Variants in DIAPH3 observed in about 807,000 individuals in gnomAD.
The protein encoded by DIAPH3 is protein diaphanous homolog 3.
In DIAPH3, 117 loss-of-function variants were observed where a neutral mutation model predicts 144.3. The observed-to-expected ratio is 0.81, with a 90% CI of 0.70 to 0.95. The LOEUF (loss-of-function observed/expected upper bound fraction) is 0.95, where lower values mean the gene tolerates loss of function less well. Among genes scored for constraint, DIAPH3 ranks in the 40% least tolerant of loss-of-function variants. The probability of loss-of-function intolerance (pLI) is 0.00; values close to 1 mark genes in which losing one functional copy is unlikely to be tolerated. For synonymous variants in DIAPH3, 519 were observed against 488.9 expected, an observed-to-expected ratio of 1.06 and a Z score of -0.81; for missense variants, 1,421 against 1,412.7, an observed-to-expected ratio of 1.01 and a Z score of -0.09.
intron 27 of DIAPH3, among the ~76,000 whole-genome samples, chr13:59,748,204 C>T (rs2036800028): frequency 6.6e-6 from 1 of 152,180 alleles, no homozygotes; most frequent in African/African-American, 2.4e-5. Context: ...TTAGAGCACT[C>T]CTCAACCTAC....
intron 27 of DIAPH3, among the ~76,000 whole-genome samples, chr13:59,772,577 T>A (rs2038177933): frequency 6.6e-6 from 1 of 152,144 alleles, no homozygotes; most frequent in African/African-American, 2.4e-5. Context: ...GATTTATACG[T>A]AATTGTATCT....
intron 1 of DIAPH3, among the ~76,000 whole-genome samples, chr13:60,158,303 C>T (rs986990277): frequency 1.3e-5 from 2 of 152,316 alleles, no homozygotes; most frequent in African/African-American, 2.4e-5. Context: ...TCTCAGAATT[C>T]CCCAGCAGAT....
At chr13:59,712,876 G>A (rs2034824345) in intron 27 of DIAPH3, among the ~76,000 whole-genome samples, 1 of 152,204 alleles carries the variant, frequency 6.6e-6, no homozygotes, top group African/African-American at 2.4e-5. Context: ...CCACAGGGGT[G>A]AGGGGGAAGG....
chr13:59,709,889 T>C (rs1204082355), intron 27 of DIAPH3, among the ~76,000 whole-genome samples: 3 of 151,982 alleles, frequency 2.0e-5, no homozygotes, highest in African/African-American at 7.2e-5. Flanking sequence ...ATGTGGCACA[T>C]ATACACCATG....
At chr13:59,866,182 T>C (rs370563592) in intron 21 of DIAPH3, among the ~76,000 whole-genome samples, 261 of 152,084 alleles carry the variant, frequency 1.7e-3, no homozygotes, top group African/African-American at 6.0e-3. Context: ...GTACTTACCA[T>C]GAGACAGACA....
Position 60,015,939 on chromosome 13 carries a change from AC to A in DIAPH3, c.744del (p.Gln248HisfsTer3), listed in dbSNP as rs2053612425. 6.2e-7 allele frequency: 1 copy of A among 1,613,332 alleles called. No individual in the cohort carries two copies. Among genetic ancestry groups the A allele is most frequent in the African/African-American group, 1.3e-5 (1 of 75,030 alleles). On this transcript the variant is annotated frameshift_variant, in exon 7 of 28. Transcript: ENST00000400324. LOFTEE classifies it high-confidence loss of function. ...TGCGTATTCATCAGGGCTTTTAGAC[AC>A]TGTATGACTTTATGTTGATTTTTCT... ...VVKKNQHKVI[Q>X]CLKALMNTQY...
intron 9 of DIAPH3, among the ~76,000 whole-genome samples, chr13:59,997,098 T>G (rs1236449440): frequency 2.6e-5 from 4 of 152,006 alleles, no homozygotes; most frequent in Admixed American, 6.6e-5. Context: ...AAGTACAACA[T>G]ATTTATTTGG....
chr13:59,737,891 G>T (rs1449174157), intron 27 of DIAPH3, among the ~76,000 whole-genome samples: 3 of 152,122 alleles, frequency 2.0e-5, no homozygotes, highest in South Asian at 4.1e-4. Flanking sequence ...ATTAGGCCGG[G>T]CACAGTGGCT....
intron 2 of DIAPH3, 59 bp from the exon 3 acceptor site, chr13:60,112,245 A>G: frequency 6.3e-7 from 1 of 1,590,956 alleles, no homozygotes; most frequent in Non-Finnish European, 8.6e-7. Flanking sequence ...CATTTATCTC[A>G]TCTCAAAAAT....
At chr13:59,940,442 C>T (rs1447343726) in intron 17 of DIAPH3, among the ~76,000 whole-genome samples, 1 of 152,116 alleles carries the variant, frequency 6.6e-6, no homozygotes, top group Non-Finnish European at 1.5e-5. Context: ...CAACGCAGAA[C>T]AGAACAATAC....
At chr13:59,788,591 G>C (rs959480531) in intron 25 of DIAPH3, among the ~76,000 whole-genome samples, 2 of 152,170 alleles carry the variant, frequency 1.3e-5, no homozygotes, top group Admixed American at 6.5e-5. Context: ...GTTGTTCATT[G>C]TAACAGGAGA....
At chr13:60,026,307 G>A (rs9538552) in intron 5 of DIAPH3, among the ~76,000 whole-genome samples, 81,068 of 151,834 alleles carry the variant, frequency 0.53, 22,179 homozygotes, top group Admixed American at 0.6. Flanking sequence ...AAAACTAAGC[G>A]TAATGATTTG....
chr13:59,675,385 ATT>A (rs1220590409), intron 27 of DIAPH3, among the ~76,000 whole-genome samples: 14 of 138,096 alleles, frequency 1.0e-4, no homozygotes, highest in Admixed American at 1.4e-4. Context: ...GCTATTTTTA[ATT>A]TTTTTTTTTT....
chr13:59,844,428 C>T (rs1030889968), intron 22 of DIAPH3, among the ~76,000 whole-genome samples: 7 of 149,218 alleles, frequency 4.7e-5, no homozygotes, highest in Admixed American at 4.1e-4. Context: ...GGCATGAACC[C>T]GGGAGGCAAA....
chr13:59,712,171 CAG>C, intron 27 of DIAPH3, among the ~76,000 whole-genome samples: 1 of 152,204 alleles, frequency 6.6e-6, no homozygotes, highest in Non-Finnish European at 1.5e-5. Flanking sequence ...ACAAGAGAAA[CAG>C]AGAGGCAGAA....
intron 3 of DIAPH3, among the ~76,000 whole-genome samples, chr13:60,102,130 A>C (rs1330466253): frequency 1.3e-5 from 2 of 152,088 alleles, no homozygotes; most frequent in Admixed American, 1.3e-4. Flanking sequence ...TACCCAACCA[A>C]TGCATTTATC....
rs1399528662 is a variant in DIAPH3 at position 59,795,335 on chromosome 13, T to C, written c.3163+15453A>G. On this transcript the variant is annotated intron_variant, in intron 25 of 27. Transcript: ENST00000400324. The stretch of plus-strand genomic sequence containing the variant: ...AGACTAAATTTCAGGAAGAACTATC[T>C]GAAAAGAAATCATTATTACTATAGG... 2.0e-5 allele frequency among the ~76,000 whole-genome samples: 3 copies of C among 152,146 alleles called. No homozygotes were observed. In the East Asian group the frequency reaches 5.8e-4, roughly 29 times the overall value.
At chr13:60,034,511 T>C (rs555376849) in intron 5 of DIAPH3, 1 of 152,214 alleles carries the variant, frequency 6.6e-6, no homozygotes, top group Non-Finnish European at 1.5e-5. Flanking sequence ...ACAGTGGCTA[T>C]TCACAAGCAC....
At chr13:60,048,305 C>T (rs1052672629) in intron 4 of DIAPH3, among the ~76,000 whole-genome samples, 2 of 152,156 alleles carry the variant, frequency 1.3e-5, no homozygotes, top group Admixed American at 1.3e-4. Context: ...GGAAGACTGC[C>T]TCTCCCAATG....
Sources: gnomAD v4.1 joint callset for allele counts (sites outside exome capture counted in the v4.1 genomes callset) on GRCh38, gnomAD v4.1.1 for gene constraint, MANE v1.5 for transcripts, NCBI Gene and HGNC (gene_info 2026-07-23, HGNC 2026-07-21) for gene names.